The following OSTN variants were observed in gnomAD, a reference collection of about 807,000 sequenced individuals.
OSTN encodes osteocrin.
In OSTN, 9 loss-of-function variants were observed where a neutral mutation model predicts 12.0. The ratio of observed to expected loss-of-function variants is 0.75; its 90% CI spans 0.45 to 1.30. The LOEUF is 1.30. Ranked by LOEUF, OSTN falls within the 50% of genes most tolerant of loss-of-function variation. OSTN has a pLI of 0.00. For synonymous variants in OSTN, 59 were observed against 56.9 expected, an observed-to-expected ratio of 1.04 and a Z score of -0.16; for missense variants, 148 against 152.3, an observed-to-expected ratio of 0.97 and a Z score of 0.15.
intron 3 of OSTN, among the ~76,000 whole-genome samples, chr3:191,236,564 C>A (rs1715196921): frequency 6.6e-6 from 1 of 150,980 alleles, no homozygotes; most frequent in Non-Finnish European, 1.5e-5. Flanking sequence ...AAAAAACAAT[C>A]CTTGGGGAGA....
Position 191,250,240 on chromosome 3 carries a change from G to A in OSTN, c.*12+107G>A, listed in dbSNP as rs1388406274. 1.1e-5 allele frequency: 9 copies of A among 814,958 alleles called. No homozygotes were observed. The Admixed American group carries it at 1.2e-4, about 10-fold the overall frequency. 50.5% of individuals were successfully genotyped at this position (814,958 alleles called of 1,614,324 possible). On this transcript the variant is annotated intron_variant, in intron 4 of 4. Coordinates refer to ENST00000682035, the MANE Select transcript of OSTN (RefSeq NM_198184.2). ...TATAAATCCCCCTTTTGATTTCCTA[G>A]CTTATCAGTTCACTTTTTCAATCAT...
intron 1 of OSTN, among the ~76,000 whole-genome samples, chr3:191,210,536 C>CT (rs1437523231): frequency 6.6e-6 from 1 of 152,066 alleles, no homozygotes; most frequent in African/African-American, 2.4e-5. Context: ...CCTCTCAAAG[C>CT]TTTTTTGAGA....
intron 4 of OSTN, among the ~76,000 whole-genome samples, chr3:191,256,196 T>C (rs1189408795): frequency 1.3e-5 from 2 of 152,060 alleles, no homozygotes; most frequent in Non-Finnish European, 2.9e-5. Context: ...CTAAAACATA[T>C]CAGAATTTCA....
intron 4 of OSTN, among the ~76,000 whole-genome samples, chr3:191,252,016 C>G (rs34750779): frequency 6.6e-6 from 1 of 152,068 alleles, no homozygotes; most frequent in Non-Finnish European, 1.5e-5. Context: ...TCAACCACAA[C>G]GAGTTATGTT....
At chr3:191,206,699 A>T (rs73070036) in intron 1 of OSTN, among the ~76,000 whole-genome samples, 1 of 152,216 alleles carries the variant, frequency 6.6e-6, no homozygotes, top group South Asian at 2.1e-4. Flanking sequence ...TTTGCCCAAC[A>T]TCACATCACT....
rs528229814 is a variant in OSTN, at chr3:191,228,415, A to G, written c.317+9454A>G. On this transcript the variant is annotated intron_variant, in intron 3 of 4. Transcript: ENST00000682035. Reference sequence around the variant, plus strand: ...ATTCAACATTTTGCAGCATATTTACATTTAAGTTACATTTCCAAATTCTAC... The same window carrying G: ...ATTCAACATTTTGCAGCATATTTACGTTTAAGTTACATTTCCAAATTCTAC... 2.2e-4 allele frequency among the ~76,000 whole-genome samples: 33 copies of G among 152,316 alleles called. No homozygotes were observed. The South Asian group carries it at 6.4e-3, about 30-fold the overall frequency.
At chr3:191,249,981 A>G in intron 3 of OSTN, 56 bp from the exon 4 acceptor site, 2 of 1,331,122 alleles carry the variant, frequency 1.5e-6, no homozygotes, top group Non-Finnish European at 2.2e-6. Context: ...AAGAACAAAA[A>G]TAATGATCAA....
At chr3:191,213,977 C>G (rs1714533634) in intron 2 of OSTN, among the ~76,000 whole-genome samples, 5 of 152,058 alleles carry the variant, frequency 3.3e-5, no homozygotes, top group African/African-American at 1.2e-4. Flanking sequence ...AAGGAAGTGA[C>G]AGAAGCTAAG....
intron 4 of OSTN, among the ~76,000 whole-genome samples, chr3:191,254,622 A>G (rs1000456765): frequency 6.6e-6 from 1 of 152,364 alleles, no homozygotes; most frequent in African/African-American, 2.4e-5. Context: ...AGAATCTAAC[A>G]ACAGGTGTCT....
chr3:191,203,729 C>T (rs943893304), intron 1 of OSTN, among the ~76,000 whole-genome samples: 2 of 152,064 alleles, frequency 1.3e-5, no homozygotes, highest in African/African-American at 2.4e-5. Flanking sequence ...TACACTTACA[C>T]AAATAGGTTA....
chr3:191,250,136 G>C lies in OSTN; in HGVS notation c.*12+3G>C. The C allele has an allele frequency of 6.4e-7, 1 of 1,573,840 alleles. No individual in the cohort carries two copies. Among genetic ancestry groups the C allele is most frequent in the Non-Finnish European group, 8.7e-7 (1 of 1,143,486 alleles). On this transcript the variant is annotated splice_donor_region_variant and intron_variant, in intron 4 of 4. Transcript: ENST00000682035. The stretch of plus-strand genomic sequence containing the variant: ...CCAGAGGCTAATTGATTCCAATTGT[G>C]AGTACAATTTGAATAAGTAACAGTA...
chr3:191,199,487 G>A (rs1448382748), intron 1 of OSTN, among the ~76,000 whole-genome samples, 180 bp downstream of exon 1: 1 of 151,942 alleles, frequency 6.6e-6, no homozygotes, highest in Non-Finnish European at 1.5e-5. Flanking sequence ...ACTTAAGGTA[G>A]AACTAATTGC....
chr3:191,252,088 TCTCA>T (rs781684174), intron 4 of OSTN, among the ~76,000 whole-genome samples: 2 of 151,914 alleles, frequency 1.3e-5, no homozygotes, highest in Non-Finnish European at 2.9e-5. Context: ...TGAGACGGAG[TCTCA>T]CTCTTTTATC....
intron 1 of OSTN, among the ~76,000 whole-genome samples, chr3:191,211,169 A>G (rs1310615375): frequency 6.6e-6 from 1 of 152,200 alleles, no homozygotes; most frequent in East Asian, 1.9e-4. Flanking sequence ...TATATTTTAT[A>G]TGTATATATT....
chr3:191,225,940 G>A (rs911903318), intron 3 of OSTN, among the ~76,000 whole-genome samples: 2 of 152,020 alleles, frequency 1.3e-5, no homozygotes, highest in African/African-American at 2.4e-5. Flanking sequence ...AACCCATGTA[G>A]CAAACCTACA....
chr3:191,229,028 T>G (rs1381425127), intron 3 of OSTN, among the ~76,000 whole-genome samples: 1 of 83,296 alleles, frequency 1.2e-5, no homozygotes, highest in Non-Finnish European at 2.7e-5. Context: ...AACAGTCTTG[T>G]CTCTAGATCT....
At chr3:191,223,967 G>A (rs2108536375) in intron 3 of OSTN, among the ~76,000 whole-genome samples, 1 of 151,752 alleles carries the variant, frequency 6.6e-6, no homozygotes, top group Admixed American at 6.6e-5. Context: ...ATTTAGGATG[G>A]ATAATAGTAA....
intron 2 of OSTN, chr3:191,213,242 G>A (rs1442635941): frequency 1.3e-5 from 2 of 152,140 alleles, no homozygotes; most frequent in Non-Finnish European, 2.9e-5. Flanking sequence ...ATAAGAAAAT[G>A]TACACAAAAT....
In OSTN at chr3:191,204,950, A is replaced by C. The variant is rs542699423; in HGVS notation, c.-1+5643A>C. ...AACAATTTTTTTAATTATGTTTTAAAAACATAATATTTTCAAATTATAGTT... is the reference window on the plus strand; with the variant it reads ...AACAATTTTTTTAATTATGTTTTAACAACATAATATTTTCAAATTATAGTT... On this transcript the variant is annotated intron_variant, in intron 1 of 4. Transcript: ENST00000682035. 7.9e-5 allele frequency among the ~76,000 whole-genome samples: 12 copies of C among 152,334 alleles called. 1 individual carries two copies. In the East Asian group the frequency reaches 2.1e-3, roughly 27 times the overall value.
Sources: gnomAD v4.1 joint callset for allele counts (sites outside exome capture counted in the v4.1 genomes callset) on GRCh38, gnomAD v4.1.1 for gene constraint, MANE v1.5 for transcripts, NCBI Gene and HGNC (gene_info 2026-07-23, HGNC 2026-07-21) for gene names.